Variants in DCST1 observed in about 807,000 individuals in gnomAD.
DCST1 encodes E3 ubiquitin-protein ligase DCST1.
In DCST1, 78 loss-of-function variants were observed where a neutral mutation model predicts 89.1. The observed-to-expected ratio is 0.88, with a 90% CI of 0.73 to 1.06. DCST1 has a LOEUF of 1.06. DCST1 is among the 50% of genes least tolerant of loss of function. DCST1 has a pLI of 0.00. For synonymous variants in DCST1, 364 were observed against 371.9 expected (o/e 0.98, Z 0.24); for missense variants, 900 against 928.6 (o/e 0.97, Z 0.40).
Position 155,034,667 on chromosome 1 carries a change from C to A in DCST1, c.202C>A (p.Leu68Met). The A allele has an allele frequency of 1.2e-6, 2 of 1,614,224 alleles. No individual in the cohort carries two copies. The highest frequency in any genetic ancestry group is 1.7e-6 in the Non-Finnish European group (2 of 1,180,042). ...GLLAIGLFQL[L>M]VNPMNIYEEQ... is the part of the protein sequence containing the mutation. ...TGTGCCCTTAGGTCTCTTTCAGCTCCTGGTGAACCCCATGAACATCTACGA... is the reference window on the plus strand; with the variant it reads ...TGTGCCCTTAGGTCTCTTTCAGCTCATGGTGAACCCCATGAACATCTACGA... Residue 68 changes from leucine (L) to methionine (M), a missense_variant, in exon 4 of 17, where the codon CTG becomes ATG. Coordinates refer to ENST00000295542, the MANE Select transcript of DCST1 (RefSeq NM_152494.4).
In DCST1 at chr1:155,041,512, G is replaced by A. The variant is rs1160179576; in HGVS notation, c.647G>A (p.Gly216Glu). The part of the protein sequence containing the change: ...GYTPEDTMDS[G>E]ETAQGREARQ... ...ACGCCTGAGGATACCATGGACTCAG[G>A]GGAGACAGCCCAGGGCAGGGAGGCC... The change falls in exon 7 of 17, where the codon GGG becomes GAG. Residue 216 changes from glycine to glutamate, a missense_variant. Transcript: ENST00000295542. 6.2e-7 allele frequency: 1 copy of A among 1,614,038 alleles called. No individual in the cohort carries two copies. The highest frequency in any genetic ancestry group is 1.1e-5 in the South Asian group (1 of 91,090).
rs761141594 is a variant in DCST1, at chr1:155,046,122, C to T, written c.1273-3C>T. ...CCTAACTGTGTGGACATTTGTTTTC[C>T]AGGGCAAACGGACTCTGCTGCCACT... On this transcript the variant is annotated splice_polypyrimidine_tract_variant and splice_region_variant and intron_variant, in intron 11 of 16. Coordinates refer to ENST00000295542, the MANE Select transcript of DCST1 (RefSeq NM_152494.4). 6 of 1,614,040 alleles carry T rather than the reference C, an allele frequency of 3.7e-6. No individual in the cohort carries two copies. The highest frequency in any genetic ancestry group is 2.2e-5 in the East Asian group (1 of 44,894).
rs769226275 is a variant in DCST1 at position 155,046,127 on chromosome 1, C to A, written c.1275C>A (p.Gly425=). ...CTGTGTGGACATTTGTTTTCCAGGG[C>A]AAACGGACTCTGCTGCCACTCCGCA... is the stretch of plus-strand genomic sequence containing the variant. ...CQIDDRRKKL[G]KRTLLPLRKA... The change falls in exon 12 of 17, where the codon GGC becomes GGA. Residue 425 remains glycine (G), a splice_region_variant and synonymous_variant. Coordinates refer to ENST00000295542, the MANE Select transcript of DCST1 (RefSeq NM_152494.4). The A allele has an allele frequency of 8.1e-6, 13 of 1,614,050 alleles. No homozygotes were observed. Among genetic ancestry groups the A allele is most frequent in the Middle Eastern group, 1.6e-4 (1 of 6,084 alleles).
intron 4 of DCST1, among the ~76,000 whole-genome samples, chr1:155,035,913 A>G (rs1660268137): frequency 6.6e-6 from 1 of 152,032 alleles, no homozygotes; most frequent in Admixed American, 6.6e-5. Flanking sequence ...CTGGGTGACA[A>G]GAGCGAAAGG....
intron 13 of DCST1, among the ~76,000 whole-genome samples, chr1:155,046,812 G>A (rs1660656175): frequency 6.6e-6 from 1 of 151,906 alleles, no homozygotes; most frequent in South Asian, 2.1e-4. Context: ...CACCATGTTG[G>A]TCAGGCTGGT....
chr1:155,044,626 CTG>C (rs892985206), intron 10 of DCST1, among the ~76,000 whole-genome samples: 1 of 152,038 alleles, frequency 6.6e-6, no homozygotes, highest in Non-Finnish European at 1.5e-5. Context: ...AGGGCAATAA[CTG>C]GGCTCCAAAT....
chr1:155,042,788 A>G lies in DCST1; in HGVS notation c.946A>G (p.Thr316Ala), dbSNP rs757186780. The change falls in exon 9 of 17, where the codon ACC (threonine) becomes GCC (alanine). Residue 316 changes from threonine (T) to alanine (A), a missense_variant. Thr to Ala is a moderately conservative substitution (Grantham distance 58). Coordinates refer to ENST00000295542, the MANE Select transcript of DCST1 (RefSeq NM_152494.4). ...RIPVEGNFGQ[T>A]YDSLNQSIRG... ...CCCAGTGGAAGGCAACTTTGGGCAG[A>G]CCTACGACTCCCTCAACCAGTCTAT... The G allele has an allele frequency of 3.1e-6, 5 of 1,614,194 alleles. No homozygotes were observed. Among genetic ancestry groups the G allele is most frequent in the Non-Finnish European group, 4.2e-6 (5 of 1,180,024 alleles).
At chr1:155,049,904 ACT>A (rs1349823222) in intron 16 of DCST1, among the ~76,000 whole-genome samples, 1 of 152,218 alleles carries the variant, frequency 6.6e-6, no homozygotes, top group Non-Finnish European at 1.5e-5. Flanking sequence ...ATGTGCAAAG[ACT>A]CAGTCCACAG....
intron 4 of DCST1, among the ~76,000 whole-genome samples, chr1:155,036,433 C>T (rs1446479811): frequency 6.6e-6 from 1 of 152,230 alleles, no homozygotes; most frequent in Non-Finnish European, 1.5e-5. Context: ...GTCCACTCTA[C>T]ATCAGACTTT....
rs1009557513 is a variant in DCST1, at chr1:155,047,450, G to A, written c.1612+138G>A. On this transcript the variant is annotated intron_variant, in intron 14 of 16. Transcript: ENST00000295542. ...TTGGAGCGCTTGAGCTGGGGAAATC[G>A]GAGCAGGGAACACATCTGGGCAGGC... The A allele has an allele frequency of 8.1e-5, 63 of 774,164 alleles. No homozygotes were observed. In the Admixed American group the frequency reaches 1.1e-3, roughly 13 times the overall value. 48.0% of individuals were successfully genotyped at this position (774,164 alleles called of 1,614,324 possible).
At position 155,042,837 on chromosome 1, in the gene DCST1, C is replaced by T. The variant is rs1348126388; in HGVS notation, c.995C>T (p.Ser332Leu). 1 of 1,614,174 alleles carries T rather than the reference C, an allele frequency of 6.2e-7. No homozygotes were observed. Among genetic ancestry groups the T allele is most frequent in the East Asian group, 2.2e-5 (1 of 44,872 alleles). The change falls in exon 9 of 17, where the codon TCA becomes TTA. Residue 332 changes from serine (S) to leucine (L), a missense_variant. Ser to Leu is a moderately radical substitution (Grantham distance 145). Transcript: ENST00000295542. The stretch of plus-strand genomic sequence containing the variant: ...ATTCGTGGCCTGGATGGGGAATTTT[C>T]AGCCAATATTGACTTCAAGGTAGAA... ...QSIRGLDGEF[S>L]ANIDFKEEKQ...
chr1:155,047,386 G>A (rs1660687017), intron 14 of DCST1, 74 bp downstream of exon 14: 2 of 1,353,006 alleles, frequency 1.5e-6, no homozygotes, highest in Non-Finnish European at 2.1e-6. Context: ...CCAAGGTAAA[G>A]AGTTAGGGGC....
At position 155,041,685 on chromosome 1, in the gene DCST1, A is replaced by G. The variant is rs748066417; in HGVS notation, c.749-29A>G. On this transcript the variant is annotated intron_variant, in intron 7 of 16. Transcript: ENST00000295542. ...CAGCATTGTGGATCAAGATGTGGGA[A>G]CCTCAGACACCCTTGCTCCTTCCTA... The G allele has an allele frequency of 1.9e-6, 3 of 1,614,048 alleles. No homozygotes were observed. The Admixed American group carries it at 5.0e-5, about 27-fold the overall frequency.
At chr1:155,045,787 ATGCTGGCTGGTTGGT>A (rs1188751792) in intron 10 of DCST1, 91 bp from the exon 11 acceptor site, 8 of 911,364 alleles carry the variant, frequency 8.8e-6, no homozygotes, top group Non-Finnish European at 1.4e-5. Context: ...TGCTCAATGA[ATGCTGGCTGGTTGGT>A]TGAATGACTG....
chr1:155,044,287 G>A (rs998701762), intron 10 of DCST1, among the ~76,000 whole-genome samples: 1 of 152,120 alleles, frequency 6.6e-6, no homozygotes, highest in African/African-American at 2.4e-5. Flanking sequence ...TTTGAGACCA[G>A]CCTGGGTAAC....
rs536079211 is a variant in DCST1 at position 155,034,201 on chromosome 1, C to G, written c.61+104C>G. The stretch of plus-strand genomic sequence containing the variant: ...ATCCCCCAACTCGGTGTCCGCGCCT[C>G]CACCACCTCTCTGGTCTAGTGCCTC... On this transcript the variant is annotated intron_variant, in intron 2 of 16. Transcript: ENST00000295542. 6.3e-5 allele frequency: 98 copies of G among 1,544,618 alleles called. No individual in the cohort carries two copies. In the East Asian group the frequency reaches 2.2e-3, roughly 34 times the overall value.
chr1:155,037,210 T>G (rs1440628139), intron 4 of DCST1, among the ~76,000 whole-genome samples: 1 of 152,134 alleles, frequency 6.6e-6, no homozygotes, highest in Non-Finnish European at 1.5e-5. Flanking sequence ...CTCCACTCTG[T>G]GCTCTGGTGG....
Position 155,047,292 on chromosome 1 carries a change from T to G in DCST1, c.1592T>G (p.Val531Gly). The change falls in exon 14 of 17, where the codon GTG becomes GGG. Residue 531 changes from valine (V) to glycine (G), a missense_variant. Val to Gly is a moderately radical substitution (Grantham distance 109). Transcript: ENST00000295542. ...IGALNTSSET[V>G]MESNNMPCLP... ...GCCCTGAACACCTCCTCAGAGACAG[T>G]GATGGAATCAAACAACATGCGTGAG... The G allele has an allele frequency of 6.2e-7, 1 of 1,613,504 alleles. No individual in the cohort carries two copies. Among genetic ancestry groups the G allele is most frequent in the Non-Finnish European group, 8.5e-7 (1 of 1,179,510 alleles).
In DCST1 at chr1:155,034,428, C is replaced by T. The variant is rs756721310; in HGVS notation, c.62-7C>T. 1.2e-6 allele frequency: 2 copies of T among 1,614,054 alleles called. No individual in the cohort carries two copies. Among genetic ancestry groups the T allele is most frequent in the South Asian group, 1.1e-5 (1 of 91,082 alleles). On this transcript the variant is annotated splice_region_variant and splice_polypyrimidine_tract_variant and intron_variant, in intron 2 of 16. Transcript: ENST00000295542. ...TGGGCTGTTGAGCTACCCTGTCCCC[C>T]TCTTAGCGGTGCAGAGGCTCCTGAC...
Sources: gnomAD v4.1 joint callset for allele counts (sites outside exome capture counted in the v4.1 genomes callset) on GRCh38, gnomAD v4.1.1 for gene constraint, MANE v1.5 for transcripts, NCBI Gene and HGNC (gene_info 2026-07-23, HGNC 2026-07-21) for gene names.